The following UBAP2 variants were observed in gnomAD, a reference collection of about 807,000 sequenced individuals.
UBAP2 encodes ubiquitin associated protein 2.
UBAP2 carries 75 observed loss-of-function variants against 139.6 expected under a neutral mutation model. That is an observed-to-expected ratio of 0.54 (90% CI 0.45 to 0.65). The LOEUF (loss-of-function observed/expected upper bound fraction) is 0.65, where lower values mean the gene tolerates loss of function less well. Among genes scored for constraint, UBAP2 ranks in the 30% least tolerant of loss-of-function variants. The probability of loss-of-function intolerance (pLI) is 0.00; values close to 1 mark genes in which losing one functional copy is unlikely to be tolerated. For synonymous variants in UBAP2, 526 were observed against 526.2 expected (o/e 1.00, Z 0.01); for missense variants, 1,368 against 1,369.6 (o/e 1.00, Z 0.02).
At chr9:33,930,537 A>G (rs954545611) in intron 19 of UBAP2, among the ~76,000 whole-genome samples, 4 of 152,016 alleles carry the variant, frequency 2.6e-5, no homozygotes, top group Non-Finnish European at 5.9e-5. Context: ...ACAAGTGGGG[A>G]AAAAAAAGTT....
At chr9:33,943,660 C>G in intron 14 of UBAP2, 71 bp from the exon 15 acceptor site, 1 of 1,471,278 alleles carries the variant, frequency 6.8e-7, no homozygotes, top group Non-Finnish European at 9.2e-7. Context: ...TATAACAGAG[C>G]CAAACAAGCA....
Position 33,977,036 on chromosome 9 carries a change from T to C in UBAP2, c.521-3799A>G, listed in dbSNP as rs181295922. 4.8e-5 allele frequency among the ~76,000 whole-genome samples: 7 copies of C among 145,180 alleles called. No homozygotes were observed. The East Asian group carries it at 1.4e-3, about 29-fold the overall frequency. ...TGGAAAAAACAAAAACAGTTGTTTT[T>C]TATTTATTTTTTTTTTTTTTGAGAC... is the stretch of plus-strand genomic sequence containing the variant. On this transcript the variant is annotated intron_variant, in intron 6 of 28. Transcript: ENST00000379238.
At chr9:34,004,356 G>A (rs931441525) in intron 2 of UBAP2, among the ~76,000 whole-genome samples, 1 of 152,080 alleles carries the variant, frequency 6.6e-6, no homozygotes, top group Non-Finnish European at 1.5e-5. Flanking sequence ...GTGGTGGTAA[G>A]TGCTGTAGTC....
chr9:34,029,845 C>T (rs539770452), intron 1 of UBAP2, among the ~76,000 whole-genome samples: 3 of 149,866 alleles, frequency 2.0e-5, no homozygotes, highest in East Asian at 4.1e-4. Flanking sequence ...AAAATTAGGC[C>T]GCTGTGGTGG....
intron 19 of UBAP2, 26 bp downstream of exon 19, chr9:33,932,536 G>A: frequency 6.2e-7 from 1 of 1,613,164 alleles, no homozygotes; most frequent in Non-Finnish European, 8.5e-7. Flanking sequence ...CATGGCGGAG[G>A]AAGAGGAAGC....
rs369319014 is a variant in UBAP2, at chr9:33,936,197, G to C, written c.1930-319C>G. 1.8e-4 allele frequency among the ~76,000 whole-genome samples: 28 copies of C among 152,172 alleles called. No homozygotes were observed. The East Asian group carries it at 4.6e-3, about 25-fold the overall frequency. On this transcript the variant is annotated intron_variant, in intron 16 of 28. Transcript: ENST00000379238. ...GGGGTTTTGCCATGTTGACCAGGCT[G>C]GTCTCCAACTCCTGGGCTCAAGCAA... is the stretch of plus-strand genomic sequence containing the variant.
At chr9:33,935,778 A>G (rs566910880) in intron 17 of UBAP2, 61 bp downstream of exon 17, 2 of 1,591,224 alleles carry the variant, frequency 1.3e-6, no homozygotes, top group Non-Finnish European at 8.6e-7. Context: ...CACGTGAGCT[A>G]TCCTCTTCCT....
chr9:33,976,201 G>A (rs1052059835), intron 6 of UBAP2, among the ~76,000 whole-genome samples: 1 of 151,990 alleles, frequency 6.6e-6, no homozygotes, highest in African/African-American at 2.4e-5. Context: ...CAAGAATACA[G>A]GCCAAAATTA....
At chr9:33,960,756 G>A in intron 10 of UBAP2, 70 bp downstream of exon 10, 1 of 1,496,424 alleles carries the variant, frequency 6.7e-7, no homozygotes. Context: ...TTCCAGCCTG[G>A]GCAACAAAAG....
At position 33,927,465 on chromosome 9, in the gene UBAP2, A is replaced by G. The variant is rs112714322; in HGVS notation, c.2371+332T>C. Among the ~76,000 whole-genome samples the G allele has an allele frequency of 1.1e-4, 16 of 152,302 alleles. 1 individual carries two copies. Among genetic ancestry groups the G allele is most frequent in the African/African-American group, 3.8e-4 (16 of 41,560 alleles). ...CGGTTTTAGCAGCGACCATCAAATC[A>G]TAGTCTGCTGGGCCTACAGACAGCC... On this transcript the variant is annotated intron_variant, in intron 20 of 28. Transcript: ENST00000379238.
At chr9:33,926,934 C>A (rs1823485993) in intron 21 of UBAP2, 55 bp downstream of exon 21, 1 of 1,568,516 alleles carries the variant, frequency 6.4e-7, no homozygotes, top group African/African-American at 1.3e-5. Flanking sequence ...CTGCCAGGTG[C>A]CAGCCCCCGA....
chr9:33,980,129 A>G (rs2131095307), intron 6 of UBAP2, among the ~76,000 whole-genome samples: 1 of 151,160 alleles, frequency 6.6e-6, no homozygotes, highest in Admixed American at 6.6e-5. Context: ...GCTGGCAAAC[A>G]CATACTTAGC....
intron 1 of UBAP2, among the ~76,000 whole-genome samples, chr9:34,029,190 C>G (rs894612290): frequency 2.6e-5 from 4 of 152,184 alleles, no homozygotes; most frequent in Non-Finnish European, 4.4e-5. Flanking sequence ...CAATCCTACT[C>G]CTGGGTATGC....
At chr9:33,924,324 G>T (rs376434497) in intron 22 of UBAP2, 40 bp from the exon 23 acceptor site, 3 of 1,587,220 alleles carry the variant, frequency 1.9e-6, no homozygotes, top group Non-Finnish European at 1.7e-6. Flanking sequence ...GACTGGCCCT[G>T]CTTGACTCCC....
chr9:33,985,207 T>C (rs1821101308), intron 6 of UBAP2, among the ~76,000 whole-genome samples: 1 of 152,200 alleles, frequency 6.6e-6, no homozygotes, highest in African/African-American at 2.4e-5. Flanking sequence ...TTTAACTTTT[T>C]ACAGATACAT....
At chr9:33,960,780 CA>C (rs375878545) in intron 10 of UBAP2, 45 bp downstream of exon 10, 217,994 of 1,174,274 alleles carry the variant, frequency 0.19, 107 homozygotes, top group South Asian at 0.19. Flanking sequence ...AATTCCATTT[CA>C]AAAAAAAAAA....
chr9:33,976,087 G>A (rs1587596685), intron 6 of UBAP2, among the ~76,000 whole-genome samples: 3 of 152,096 alleles, frequency 2.0e-5, no homozygotes, highest in African/African-American at 7.2e-5. Flanking sequence ...TTTTAAGAAG[G>A]CAAAAGTAAG....
chr9:33,965,426 A>G (rs1283136383), intron 8 of UBAP2, among the ~76,000 whole-genome samples: 1 of 152,176 alleles, frequency 6.6e-6, no homozygotes, highest in Admixed American at 6.5e-5. Context: ...TTTTCTCTTC[A>G]GAAGAATTTT....
intron 2 of UBAP2, among the ~76,000 whole-genome samples, chr9:34,007,670 G>A (rs1462232430): frequency 1.4e-5 from 2 of 145,608 alleles, no homozygotes; most frequent in East Asian, 4.0e-4. Flanking sequence ...ACTGAGTCTC[G>A]CTCTGTTGCC....
Sources: allele counts gnomAD v4.1 joint callset (sites outside exome capture counted in the v4.1 genomes callset), GRCh38; gene constraint gnomAD v4.1.1; transcripts MANE v1.5; gene names NCBI Gene and HGNC (gene_info 2026-07-23, HGNC 2026-07-21).